DACH2: variants seen among roughly 807,000 people sequenced by gnomAD.
The protein encoded by DACH2 is dachshund family transcription factor 2.
In DACH2, 17 loss-of-function variants were observed where a neutral mutation model predicts 35.8. The observed-to-expected ratio is 0.48, with a 90% CI of 0.33 to 0.71. DACH2 has a LOEUF of 0.71. Ranked by LOEUF, DACH2 falls within the 30% of genes least tolerant of loss-of-function variation. DACH2 has a pLI of 0.02. For missense variants in DACH2, 469 were observed against 472.7 expected, an observed-to-expected ratio of 0.99 and a Z score of 0.07; for synonymous variants, 195 against 177.3, an observed-to-expected ratio of 1.10 and a Z score of -0.79.
At position 86,286,858 on chromosome X, in the gene DACH2, T is replaced by C. The variant is rs183212768; in HGVS notation, c.489-89966T>C. 5.5e-3 allele frequency among the ~76,000 whole-genome samples: 619 copies of C among 112,262 alleles called. 13 individuals are homozygous for C. Among genetic ancestry groups the C allele is most frequent in the Admixed American group, 0.045 (474 of 10,546 alleles). On this transcript the variant is annotated intron_variant, in intron 1 of 11. Coordinates refer to ENST00000373125, the MANE Select transcript of DACH2 (RefSeq NM_053281.3). ...GAAAATGTAGTTGTAGTTATTATTTTTTATTCATTCATTGTTTAGTGTTTC... is the reference window on the plus strand; with the variant it reads ...GAAAATGTAGTTGTAGTTATTATTTCTTATTCATTCATTGTTTAGTGTTTC...
intron 1 of DACH2, among the ~76,000 whole-genome samples, chrX:86,239,697 G>A (rs1023887142): frequency 1.0e-3 from 112 of 111,903 alleles, no homozygotes; most frequent in African/African-American, 3.4e-3. Context: ...GTACACATAT[G>A]CACTAATTCT....
chrX:86,663,164 A>G (rs563781218), intron 4 of DACH2, among the ~76,000 whole-genome samples: 9 of 111,874 alleles, frequency 8.0e-5, no homozygotes, highest in African/African-American at 2.6e-4. Context: ...AAAAAAATAT[A>G]GAAACAATGT....
chrX:86,779,396 G>A (rs1332277826), intron 7 of DACH2, among the ~76,000 whole-genome samples: 4 of 111,377 alleles, frequency 3.6e-5, no homozygotes, highest in Admixed American at 1.9e-4. Flanking sequence ...TGTAGTAGAC[G>A]ATACAATCAG....
At chrX:86,152,594 A>G in intron 1 of DACH2, among the ~76,000 whole-genome samples, 1 of 111,951 alleles carries the variant, frequency 8.9e-6, no homozygotes, top group East Asian at 2.8e-4. Context: ...CTAGAGAGGT[A>G]GTAAGATTAA....
At chrX:86,810,369 C>G (rs897126111) in intron 7 of DACH2, among the ~76,000 whole-genome samples, 1 of 111,756 alleles carries the variant, frequency 8.9e-6, no homozygotes, top group African/African-American at 3.2e-5. Flanking sequence ...TTTAAGAACT[C>G]TCTCCTTGAC....
At chrX:86,680,252 A>T (rs2040865866) in intron 4 of DACH2, among the ~76,000 whole-genome samples, 1 of 112,160 alleles carries the variant, frequency 8.9e-6, no homozygotes, top group African/African-American at 3.2e-5. Context: ...TGGAGAAACT[A>T]AAAGTTCTTA....
At chrX:86,161,092 C>T in intron 1 of DACH2, 1 of 1,086,876 alleles carries the variant, frequency 9.2e-7, no homozygotes. Flanking sequence ...ACAAATGCTA[C>T]TGTGTTGGGG....
chrX:86,532,589 G>T (rs1021668832), intron 3 of DACH2, among the ~76,000 whole-genome samples: 3 of 110,253 alleles, frequency 2.7e-5, no homozygotes, highest in Non-Finnish European at 5.7e-5. Context: ...GGCCTCCTCA[G>T]CCATACAGAG....
intron 1 of DACH2, among the ~76,000 whole-genome samples, chrX:86,334,840 A>T (rs1203351472): frequency 1.8e-5 from 2 of 111,946 alleles, no homozygotes; most frequent in Non-Finnish European, 3.8e-5. Context: ...GCCCATGCCT[A>T]TGTCCTGAAT....
intron 3 of DACH2, among the ~76,000 whole-genome samples, chrX:86,523,549 T>A (rs911461893): frequency 2.8e-4 from 31 of 111,585 alleles, no homozygotes; most frequent in African/African-American, 1.0e-3. Context: ...GGAGATGAAG[T>A]TATTACTCAA....
At chrX:86,396,464 A>G (rs1290985728) in intron 2 of DACH2, among the ~76,000 whole-genome samples, 2 of 97,461 alleles carry the variant, frequency 2.1e-5, no homozygotes, top group Non-Finnish European at 4.1e-5. Context: ...GTCCTTGCCC[A>G]TGCCTATGTC....
chrX:86,711,038 C>T (rs2041272095), intron 5 of DACH2, among the ~76,000 whole-genome samples: 1 of 112,019 alleles, frequency 8.9e-6, no homozygotes, highest in Non-Finnish European at 1.9e-5. Context: ...TATGCACTTA[C>T]ATAAAAATTA....
chrX:86,301,250 CAA>C (rs1342723271), intron 1 of DACH2, among the ~76,000 whole-genome samples: 3 of 111,706 alleles, frequency 2.7e-5, no homozygotes, highest in African/African-American at 9.8e-5. Flanking sequence ...ATTTATTAGT[CAA>C]AGTTTTCCAG....
At chrX:86,504,843 G>T (rs776365339) in intron 2 of DACH2, among the ~76,000 whole-genome samples, 1 of 111,785 alleles carries the variant, frequency 8.9e-6, no homozygotes, top group Non-Finnish European at 1.9e-5. Context: ...TTTGAAAAAG[G>T]AAAGAGGTGT....
At chrX:86,654,197 A>C (rs920868193) in intron 4 of DACH2, among the ~76,000 whole-genome samples, 1,198 of 102,399 alleles carry the variant, frequency 0.012, 19 homozygotes, top group African/African-American at 0.043. Flanking sequence ...TAAAAAAAAA[A>C]AAAAAAAAAA....
intron 3 of DACH2, among the ~76,000 whole-genome samples, chrX:86,616,271 C>G (rs1195826513): frequency 1.8e-5 from 2 of 111,485 alleles, no homozygotes; most frequent in Non-Finnish European, 3.8e-5. Flanking sequence ...GATTTATATT[C>G]CTTTGGGCAT....
intron 5 of DACH2, among the ~76,000 whole-genome samples, chrX:86,700,267 T>C (rs1382248681): frequency 1.8e-5 from 2 of 111,378 alleles, no homozygotes; most frequent in South Asian, 3.7e-4. Flanking sequence ...AAATGTGTAT[T>C]AGGCCCATTT....
At chrX:86,298,108 C>T (rs1368084998) in intron 1 of DACH2, among the ~76,000 whole-genome samples, 1 of 111,406 alleles carries the variant, frequency 9.0e-6, no homozygotes, top group Non-Finnish European at 1.9e-5. Flanking sequence ...AATGTGGTTC[C>T]TGAGCGCATT....
chrX:86,304,347 G>A (rs1016678570), intron 1 of DACH2: 3 of 112,070 alleles, frequency 2.7e-5, no homozygotes, highest in South Asian at 3.7e-4. Context: ...AGCCCATTTG[G>A]ACTTTCATAA....
Sources: allele counts gnomAD v4.1 joint callset (sites outside exome capture counted in the v4.1 genomes callset), GRCh38; gene constraint gnomAD v4.1.1; transcripts MANE v1.5; gene names NCBI Gene and HGNC (gene_info 2026-07-23, HGNC 2026-07-21).